GSE1: variants seen among roughly 807,000 people sequenced by gnomAD.
The protein encoded by GSE1 is Gse1 coiled-coil protein, also known as genetic suppressor element 1.
Under a neutral mutation model 112.6 loss-of-function variants are expected in GSE1, and 32 were observed. The observed-to-expected ratio is 0.28, with a 90% CI of 0.21 to 0.38. The LOEUF is 0.38. Among genes scored for constraint, GSE1 ranks in the 10% least tolerant of loss-of-function variants. The probability of loss-of-function intolerance (pLI) is 1.00; values close to 1 mark genes in which losing one functional copy is unlikely to be tolerated. For synonymous variants in GSE1, 1,115 were observed against 735.6 expected (o/e 1.52, Z -8.35); for missense variants, 2,348 against 1,699.2 (o/e 1.38, Z -6.71).
chr16:85,666,170 A>T lies in GSE1; in HGVS notation c.2953A>T (p.Ser985Cys), dbSNP rs1218210866. The change falls in exon 13 of 16, where the codon AGT (serine) becomes TGT (cysteine). Residue 985 changes from serine (S) to cysteine (C), a missense_variant. By Grantham distance (112) the Ser-to-Cys change is moderately radical. Coordinates refer to ENST00000253458, the MANE Select transcript of GSE1 (RefSeq NM_014615.5). ...RLSEAPGGKK[S>C]LSMLHYIRGA... ...GAGCGAGGCCCCTGGAGGCAAAAAGAGTCTGAGCATGCTTCACTATATCCG... is the reference window on the plus strand; with the variant it reads ...GAGCGAGGCCCCTGGAGGCAAAAAGTGTCTGAGCATGCTTCACTATATCCG... 6.2e-7 allele frequency: 1 copy of T among 1,613,406 alleles called. No homozygotes were observed. The highest frequency in any genetic ancestry group is 1.3e-5 in the African/African-American group (1 of 74,946).
rs547043318 is a variant in GSE1 at position 85,619,163 on chromosome 16, C to T, written c.7+5765C>T. Among the ~76,000 whole-genome samples the T allele has an allele frequency of 5.3e-5, 8 of 152,310 alleles. No individual in the cohort carries two copies. In the South Asian group the frequency reaches 1.2e-3, roughly 24 times the overall value. On this transcript the variant is annotated intron_variant, in intron 1 of 15. Transcript: ENST00000253458. ...TTCTTTTTAGGAGCCTCAACGTCCC[C>T]TCGGGCTCACATGCACACCACTGCC...
At chr16:85,649,053 C>T (rs573400657) in intron 3 of GSE1, among the ~76,000 whole-genome samples, 1 of 152,234 alleles carries the variant, frequency 6.6e-6, no homozygotes, top group Non-Finnish European at 1.5e-5. Flanking sequence ...GCCGGCAGGG[C>T]TGGTTTCCCC....
chr16:85,617,060 C>T (rs78463335), intron 1 of GSE1, among the ~76,000 whole-genome samples: 1 of 152,222 alleles, frequency 6.6e-6, no homozygotes, highest in Non-Finnish European at 1.5e-5. Flanking sequence ...ATTCTCGCCA[C>T]TCCTGCGTTT....
At chr16:85,395,390 A>G (rs2047941948) in intron 2 of GSE1, among the ~76,000 whole-genome samples, 1 of 152,174 alleles carries the variant, frequency 6.6e-6, no homozygotes, top group African/African-American at 2.4e-5. Context: ...GAGAAGGACC[A>G]TAGGAATCTC....
rs73271255 is a variant in GSE1, at chr16:85,634,198, C to T, written c.226+66C>T. On this transcript the variant is annotated intron_variant, in intron 2 of 15. Coordinates refer to ENST00000253458, the MANE Select transcript of GSE1 (RefSeq NM_014615.5). Reference sequence around the variant, plus strand: ...CTCCCGAGGCCGGGACTCAGCCTCCCGCCTGCGGCGTGCACGCTCACAGCA... The same window carrying T: ...CTCCCGAGGCCGGGACTCAGCCTCCTGCCTGCGGCGTGCACGCTCACAGCA... 5.9e-3 allele frequency: 6,683 copies of T among 1,123,786 alleles called. 265 individuals are homozygous for T. In the African/African-American group the frequency reaches 0.088, roughly 15 times the overall value. The allele number at this position is 1,123,786 out of a possible 1,614,324, so 69.6% of individuals were successfully genotyped here. A position where few individuals can be genotyped will look rare whatever the true frequency, so the allele number is the denominator to read the frequency against.
chr16:85,231,046 GGAT>G (rs1428183920), intron 1 of GSE1, among the ~76,000 whole-genome samples: 2 of 149,744 alleles, frequency 1.3e-5, no homozygotes, highest in Non-Finnish European at 3.0e-5. Flanking sequence ...ATAGATGGAT[GGAT>G]GATGATGGAT....
chr16:85,363,214 C>G (rs7192631), intron 2 of GSE1, among the ~76,000 whole-genome samples: 12,426 of 152,216 alleles, frequency 0.082, 778 homozygotes, highest in East Asian at 0.31. Context: ...AAAACCAGGC[C>G]AAGATTGACT....
chr16:85,243,545 C>T (rs1327055359), intron 1 of GSE1, among the ~76,000 whole-genome samples: 1 of 152,174 alleles, frequency 6.6e-6, no homozygotes, highest in African/African-American at 2.4e-5. Context: ...TCCTGGAAGG[C>T]GGGGCTGGGA....
At chr16:85,239,636 G>A (rs1905013515) in intron 1 of GSE1, among the ~76,000 whole-genome samples, 1 of 152,208 alleles carries the variant, frequency 6.6e-6, no homozygotes, top group African/African-American at 2.4e-5. Flanking sequence ...GTGAGAGCTG[G>A]AGAGCCAGGG....
At chr16:85,369,108 G>A (rs78409911) in intron 2 of GSE1, among the ~76,000 whole-genome samples, 44 of 152,326 alleles carry the variant, frequency 2.9e-4, no homozygotes, top group African/African-American at 9.6e-4. Context: ...GGCTAAATTC[G>A]AGGTGTGGGC....
intron 1 of GSE1, among the ~76,000 whole-genome samples, chr16:85,331,465 GTA>G (rs2046353638): frequency 7.4e-6 from 1 of 135,812 alleles, no homozygotes; most frequent in Non-Finnish European, 1.6e-5. Context: ...ATATATGTGT[GTA>G]TATATGTATA....
At chr16:85,189,849 T>C (rs541832321) in intron 1 of GSE1, among the ~76,000 whole-genome samples, 1 of 152,336 alleles carries the variant, frequency 6.6e-6, no homozygotes, top group African/African-American at 2.4e-5. Flanking sequence ...TGCCTGTAGG[T>C]TCTGTAATGA....
intron 1 of GSE1, among the ~76,000 whole-genome samples, chr16:85,339,354 C>T (rs556628800): frequency 6.6e-5 from 10 of 152,236 alleles, no homozygotes; most frequent in African/African-American, 1.7e-4. Flanking sequence ...GGGCTGTGCT[C>T]GCTCCAGCCG....
intron 2 of GSE1, among the ~76,000 whole-genome samples, chr16:85,467,897 A>G (rs2050170123): frequency 6.6e-6 from 1 of 152,240 alleles, no homozygotes; most frequent in Admixed American, 6.5e-5. Flanking sequence ...AGTGAATGTT[A>G]GCACATCTCT....
Position 85,672,666 on chromosome 16 carries a change from A to C in GSE1, c.*127A>C, listed in dbSNP as rs2053444545. 3.4e-6 allele frequency: 2 copies of C among 593,216 alleles called. No individual in the cohort carries two copies. Among genetic ancestry groups the C allele is most frequent in the East Asian group, 3.1e-5 (1 of 32,108 alleles). 36.7% of individuals were successfully genotyped at this position (593,216 alleles called of 1,614,324 possible). On this transcript the variant is annotated 3_prime_UTR_variant, in exon 16 of 16. Transcript: ENST00000253458. The stretch of plus-strand genomic sequence containing the variant: ...AATGAGAATGTGCCATGCATGAAGC[A>C]AAGGATTCCAGGCTCCAGAAAAAAT...
intron 2 of GSE1, among the ~76,000 whole-genome samples, chr16:85,514,385 C>T (rs1352647761): frequency 6.7e-6 from 1 of 149,576 alleles, no homozygotes; most frequent in South Asian, 2.2e-4. Context: ...ATCCTTTGCA[C>T]CCTCTGAGTC....
At chr16:85,362,986 C>G (rs915375496) in intron 2 of GSE1, among the ~76,000 whole-genome samples, 2 of 152,050 alleles carry the variant, frequency 1.3e-5, no homozygotes, top group African/African-American at 4.8e-5. Flanking sequence ...CAGGCGTACT[C>G]CACCATGCCC....
rs139933863 is a variant in GSE1, at chr16:85,345,611, G to A, written c.2284-11852G>A. Reference sequence around the variant, plus strand: ...TATCTCTACCATTGCCCACCCATCCGTTACTTTCTCCACCCACCCGCCCTT... The same window carrying A: ...TATCTCTACCATTGCCCACCCATCCATTACTTTCTCCACCCACCCGCCCTT... On this transcript the variant is annotated intron_variant, in intron 1 of 2. Coordinates refer to the GSE1 transcript ENST00000637419. 1.4e-3 allele frequency among the ~76,000 whole-genome samples: 216 copies of A among 152,076 alleles called. 1 individual carries two copies. The highest frequency in any genetic ancestry group is 2.4e-3 in the Non-Finnish European group (162 of 67,990).
chr16:85,456,627 TG>T, intron 2 of GSE1, among the ~76,000 whole-genome samples: 1 of 145,802 alleles, frequency 6.9e-6, no homozygotes, highest in Non-Finnish European at 1.5e-5. Context: ...TGTGTGTGTG[TG>T]TGTGTGTGTG....
Sources: gnomAD v4.1 joint callset for allele counts (sites outside exome capture counted in the v4.1 genomes callset) on GRCh38, gnomAD v4.1.1 for gene constraint, MANE v1.5 for transcripts, NCBI Gene and HGNC (gene_info 2026-07-23, HGNC 2026-07-21) for gene names.